Variants in ZNF185 observed in about 807,000 individuals in gnomAD.
ZNF185 encodes the protein zinc finger protein 185 with LIM domain.
A neutral mutation model predicts 58.6 loss-of-function variants in ZNF185; 56 were observed. The observed-to-expected ratio is 0.95, with a 90% CI of 0.77 to 1.19. The LOEUF is 1.19. ZNF185 is among the 50% of genes most tolerant of loss of function. The probability of loss-of-function intolerance (pLI) is 0.00; values close to 1 mark genes in which losing one functional copy is unlikely to be tolerated. For synonymous variants in ZNF185, 230 were observed against 215.9 expected, an observed-to-expected ratio of 1.07 and a Z score of -0.57; for missense variants, 627 against 573.5, an observed-to-expected ratio of 1.09 and a Z score of -0.95.
In ZNF185 at chrX:152,963,693, A is replaced by G. The variant is rs968747840; in HGVS notation, c.1608-146A>G. On this transcript the variant is annotated intron_variant, in intron 17 of 22. Coordinates refer to ENST00000449285, the Ensembl canonical transcript of ZNF185. ...CAACTCACCTAGCCTGGGTTTGCTTATCTGTAAAGTGAGAAGTTCCATTTG... is the reference window on the plus strand; with the variant it reads ...CAACTCACCTAGCCTGGGTTTGCTTGTCTGTAAAGTGAGAAGTTCCATTTG... The G allele has an allele frequency of 1.9e-5, 9 of 471,618 alleles. No individual in the cohort carries two copies. The Admixed American group carries it at 3.0e-4, about 16-fold the overall frequency. The allele number at this position is 471,618 out of a possible 1,213,427, so 38.9% of individuals were successfully genotyped here.
At chrX:152,920,025 G>A (rs782718890) in intron 7 of ZNF185, among the ~76,000 whole-genome samples, 10 of 113,339 alleles carry the variant, frequency 8.8e-5, no homozygotes, top group South Asian at 3.6e-4. Flanking sequence ...TTCCTCATCT[G>A]TAAATCACAG....
rs782739433 is a variant in ZNF185 at position 152,967,984 on chromosome X, T to C, written c.1871+746T>C. 7.1e-5 allele frequency among the ~76,000 whole-genome samples: 8 copies of C among 112,012 alleles called. No individual in the cohort carries two copies. The South Asian group carries it at 3.0e-3, about 42-fold the overall frequency. ...GATGTTTCTACTCTGCCATCTTGCTTCTCATTGATGGGCAGATCTTAATTC... is the reference window on the plus strand; with the variant it reads ...GATGTTTCTACTCTGCCATCTTGCTCCTCATTGATGGGCAGATCTTAATTC... On this transcript the variant is annotated intron_variant, in intron 20 of 22. Transcript: ENST00000449285.
intron 12 of ZNF185, 70 bp downstream of exon 13, chrX:152,928,731 G>A: frequency 1.8e-6 from 2 of 1,083,407 alleles, no homozygotes; most frequent in Non-Finnish European, 2.5e-6. Flanking sequence ...AGCCTCAGGT[G>A]GCAAATGATG....
At chrX:152,906,110 A>T in the ZNF185 span, among the ~76,000 whole-genome samples, 1 of 112,650 alleles carries the variant, frequency 8.9e-6, no homozygotes, top group African/African-American at 3.2e-5. Flanking sequence ...GGATTTGCCC[A>T]GGGCAGCAAA....
At position 152,967,152 on chromosome X, in the gene ZNF185, T is replaced by A. The variant is rs2050200368; in HGVS notation, c.1800-15T>A. 5.0e-6 allele frequency: 6 copies of A among 1,208,606 alleles called. No individual in the cohort carries two copies. The highest frequency in any genetic ancestry group is 6.7e-6 in the Non-Finnish European group (6 of 893,383). On this transcript the variant is annotated splice_polypyrimidine_tract_variant and intron_variant, in intron 19 of 22. Coordinates refer to ENST00000449285, the Ensembl canonical transcript of ZNF185. ...CTCATCTCTGCCCTCCTCTCCCCTA[T>A]CAAACTCCCTGCAGCGTCAGCAGCA...
intron 18 of ZNF185, 136 bp downstream of exon 20, chrX:152,964,085 GC>G: frequency 1.8e-6 from 1 of 558,864 alleles, no homozygotes; most frequent in Non-Finnish European, 3.0e-6. Flanking sequence ...TAGCCAAGGG[GC>G]CACACAGGAC....
At chrX:152,908,230 T>G in the ZNF185 span, among the ~76,000 whole-genome samples, 3 of 112,343 alleles carry the variant, frequency 2.7e-5, no homozygotes, top group African/African-American at 9.7e-5. Flanking sequence ...GTGTCAGGGC[T>G]AATGGACTTT....
chrX:152,945,332 C>G, exon 16 of ZNF185: 1 of 1,208,191 alleles, frequency 8.3e-7, no homozygotes, highest in South Asian at 1.8e-5. Flanking sequence ...CAGGAGAGGC[C>G]TGGAGCTCCA....
At chrX:152,922,802 G>A in exon 11 of ZNF185, 3 of 1,193,725 alleles carry the variant, frequency 2.5e-6, no homozygotes, top group Non-Finnish European at 3.4e-6. Context: ...TGGGAGCCAG[G>A]AGCTCAGGTG....
At chrX:152,968,461 A>G (rs1556916342) in intron 20 of ZNF185, among the ~76,000 whole-genome samples, 1 of 112,729 alleles carries the variant, frequency 8.9e-6, no homozygotes. Context: ...ATATGCACAG[A>G]CACACATGCA....
chrX:152,938,951 G>T, intron 15 of ZNF185, among the ~76,000 whole-genome samples: 1 of 102,667 alleles, frequency 9.7e-6, no homozygotes, highest in Non-Finnish European at 2.1e-5. Context: ...GGTGGAGAGA[G>T]CTATAGATAA....
In ZNF185 at chrX:152,941,757, A is replaced by G. The variant is rs12012933; in HGVS notation, c.1212-3510A>G. 3,792 of 1,163,425 alleles carry G rather than the reference A, an allele frequency of 3.3e-3. 60 individuals are homozygous for G. In the African/African-American group the frequency reaches 0.056, roughly 17 times the overall value. On this transcript the variant is annotated intron_variant, in intron 15 of 22. Transcript: ENST00000449285. ...CCTCGGCGGGGATTCTCTTGAGGCC[A>G]TGCCCGTGCCGGCCGCCAGAGGTCG...
intron 14 of ZNF185, among the ~76,000 whole-genome samples, chrX:152,937,037 C>G (rs988432640): frequency 1.8e-5 from 2 of 111,809 alleles, no homozygotes; most frequent in Non-Finnish European, 3.8e-5. Flanking sequence ...ACCCACCAAT[C>G]CACCAGTGGG....
intron 16 of ZNF185, 60 bp downstream of exon 18, chrX:152,945,524 G>C (rs948343343): frequency 6.3e-6 from 7 of 1,107,058 alleles, no homozygotes; most frequent in Non-Finnish European, 8.4e-6. Context: ...TGAGGTCTGC[G>C]ACCCACATGG....
chrX:152,925,285 G>A (rs1940639332), intron 11 of ZNF185, among the ~76,000 whole-genome samples: 1 of 111,337 alleles, frequency 9.0e-6, no homozygotes, highest in African/African-American at 3.3e-5. Flanking sequence ...TAGCCTGGGT[G>A]ACAGAGCAAG....
At chrX:152,972,044 G>C (rs1295228282) in exon 23 of ZNF185, 3 of 112,133 alleles carry the variant, frequency 2.7e-5, no homozygotes, top group African/African-American at 9.7e-5. Flanking sequence ...TTCCCAAGTG[G>C]GTTTTAGGGT....
chrX:152,922,188 A>G, exon 10 of ZNF185: 1 of 1,195,670 alleles, frequency 8.4e-7, no homozygotes, highest in Non-Finnish European at 1.1e-6. Context: ...AGGTGGTGGA[A>G]GAGGACGGGC....
At chrX:152,963,480 G>A (rs1369995993) in intron 17 of ZNF185, among the ~76,000 whole-genome samples, 6 of 112,249 alleles carry the variant, frequency 5.3e-5, no homozygotes, top group Non-Finnish European at 9.4e-5. Context: ...ATCCAGTGAG[G>A]AGGTGAGCTG....
intron 17 of ZNF185, among the ~76,000 whole-genome samples, chrX:152,961,658 C>T (rs1207161486): frequency 8.9e-6 from 1 of 112,228 alleles, no homozygotes; most frequent in Non-Finnish European, 1.9e-5. Context: ...CCCATCCAGC[C>T]GCCCTCAAAG....
Sources: gnomAD v4.1 joint callset for allele counts (sites outside exome capture counted in the v4.1 genomes callset) on GRCh38, gnomAD v4.1.1 for gene constraint, MANE v1.5 for transcripts, NCBI Gene and HGNC (gene_info 2026-07-23, HGNC 2026-07-21) for gene names.